Variants in CDH17 observed in about 807,000 individuals in gnomAD.
The protein encoded by CDH17 is cadherin-17.
Under a neutral mutation model 86.3 loss-of-function variants are expected in CDH17, and 67 were observed. That is an observed-to-expected ratio of 0.78 (90% CI 0.64 to 0.95). CDH17 has a LOEUF of 0.95. CDH17 is among the 40% of genes least tolerant of loss of function. The pLI is 0.00. For missense variants in CDH17, 993 were observed against 1,017.6 expected, an observed-to-expected ratio of 0.98 and a Z score of 0.33; for synonymous variants, 367 against 366.4, an observed-to-expected ratio of 1.00 and a Z score of -0.02.
In CDH17 at chr8:94,177,676, T is replaced by C; in HGVS notation, c.196A>G (p.Thr66Ala). 3 of 1,613,766 alleles carry C rather than the reference T, an allele frequency of 1.9e-6. No individual in the cohort carries two copies. Among genetic ancestry groups the C allele is most frequent in the Non-Finnish European group, 2.5e-6 (3 of 1,179,800 alleles). The change falls in exon 4 of 18, where the codon ACA becomes GCA. Residue 66 changes from threonine (T) to alanine (A), a missense_variant. By Grantham distance (58) the Thr-to-Ala change is moderately conservative. Coordinates refer to ENST00000027335, the MANE Select transcript of CDH17 (RefSeq NM_004063.4). ...PAVTFELTGE[T>A]DNIFVIEREG... ...CGTTCTATCACAAATATGTTGTCTG[T>C]CTCCCCAGTTAGTTCAAAAGTCACA...
Position 94,128,187 on chromosome 8 carries a change from G to C in CDH17, c.*53C>G, listed in dbSNP as rs1048517262. On this transcript the variant is annotated 3_prime_UTR_variant, in exon 18 of 18. Coordinates refer to ENST00000027335, the MANE Select transcript of CDH17 (RefSeq NM_004063.4). ...TAGATGAAAAGTAATAGGATGAGAT[G>C]GTTGTTGCTGAAATAGCACTTGCTA... The C allele has an allele frequency of 2.0e-5, 22 of 1,088,356 alleles. No homozygotes were observed. Among genetic ancestry groups the C allele is most frequent in the Non-Finnish European group, 3.0e-5 (21 of 704,978 alleles). 67.4% of individuals were successfully genotyped at this position (1,088,356 alleles called of 1,614,324 possible). A position where few individuals can be genotyped will look rare whatever the true frequency, so the allele number is the denominator to read the frequency against.
chr8:94,176,430 G>T, intron 5 of CDH17, 111 bp downstream of exon 5: 1 of 1,154,892 alleles, frequency 8.7e-7, no homozygotes, highest in Admixed American at 2.0e-5. Context: ...TGAAATGTAG[G>T]TAAGATAGTG....
intron 12 of CDH17, among the ~76,000 whole-genome samples, chr8:94,152,356 C>A (rs181886889): frequency 1.4e-4 from 22 of 152,296 alleles, no homozygotes; most frequent in Admixed American, 1.4e-3. Flanking sequence ...GAAGAAAACT[C>A]TGACATTGGT....
chr8:94,185,359 T>A (rs900714797), intron 3 of CDH17, among the ~76,000 whole-genome samples: 2 of 151,666 alleles, frequency 1.3e-5, no homozygotes, highest in African/African-American at 4.9e-5. Flanking sequence ...AGGCTATCAT[T>A]TCCTGCTAAG....
At chr8:94,182,058 C>T (rs988240416) in intron 3 of CDH17, among the ~76,000 whole-genome samples, 1 of 152,010 alleles carries the variant, frequency 6.6e-6, no homozygotes, top group Non-Finnish European at 1.5e-5. Context: ...TCTAGACAGA[C>T]AAAAACTACT....
chr8:94,175,710 G>T (rs977390788), intron 5 of CDH17, among the ~76,000 whole-genome samples: 10 of 151,990 alleles, frequency 6.6e-5, no homozygotes, highest in Non-Finnish European at 5.9e-5. Context: ...AAGGTAGAAG[G>T]TCAATGCAGC....
intron 3 of CDH17, among the ~76,000 whole-genome samples, chr8:94,181,353 T>G (rs1813481562): frequency 6.6e-6 from 1 of 152,078 alleles, no homozygotes; most frequent in African/African-American, 2.4e-5. Flanking sequence ...CAACACTCCA[T>G]CCAACAAAAG....
At chr8:94,140,102 G>A (rs1812608999) in intron 15 of CDH17, among the ~76,000 whole-genome samples, 1 of 151,916 alleles carries the variant, frequency 6.6e-6, no homozygotes, top group East Asian at 1.9e-4. Context: ...AATCACAAAA[G>A]AAATCTAAAG....
intron 3 of CDH17, among the ~76,000 whole-genome samples, chr8:94,182,075 G>A (rs1369325982): frequency 1.3e-5 from 2 of 152,046 alleles, no homozygotes; most frequent in African/African-American, 2.4e-5. Context: ...TACTAAAACT[G>A]ATTCAAGAAC....
At chr8:94,150,226 A>G (rs1012394632) in intron 13 of CDH17, among the ~76,000 whole-genome samples, 1 of 152,168 alleles carries the variant, frequency 6.6e-6, no homozygotes, top group Admixed American at 6.5e-5. Context: ...GTTTTGAAAG[A>G]GGAGTCAGAT....
chr8:94,155,668 T>C (rs562086900), intron 12 of CDH17, among the ~76,000 whole-genome samples: 1 of 152,304 alleles, frequency 6.6e-6, no homozygotes, highest in East Asian at 1.9e-4. Context: ...AAGACAAGAC[T>C]GTACGGCGAG....
chr8:94,144,948 T>G (rs1812711140), intron 15 of CDH17, among the ~76,000 whole-genome samples: 1 of 152,044 alleles, frequency 6.6e-6, no homozygotes. Flanking sequence ...AATAAAACCA[T>G]TATGAGATAC....
intron 11 of CDH17, among the ~76,000 whole-genome samples, chr8:94,161,698 T>C (rs1411068124): frequency 6.6e-6 from 1 of 152,224 alleles, no homozygotes; most frequent in East Asian, 1.9e-4. Flanking sequence ...ATTCCAAATA[T>C]TAAATTTTTG....
intron 10 of CDH17, among the ~76,000 whole-genome samples, chr8:94,163,181 T>C (rs1276141814): frequency 6.6e-6 from 1 of 152,230 alleles, no homozygotes; most frequent in African/African-American, 2.4e-5. Context: ...GTCATTCCCA[T>C]TTAATTAACA....
intron 17 of CDH17, among the ~76,000 whole-genome samples, 200 bp from the exon 18 acceptor site, chr8:94,128,540 T>C (rs1230069141): frequency 6.6e-6 from 1 of 152,168 alleles, no homozygotes; most frequent in Non-Finnish European, 1.5e-5. Context: ...ATTTATCCTG[T>C]TGTATGTATG....
chr8:94,147,983 T>C (rs1281730371), intron 14 of CDH17, among the ~76,000 whole-genome samples: 3 of 152,190 alleles, frequency 2.0e-5, no homozygotes, highest in Admixed American at 6.5e-5. Context: ...CACATCAAAG[T>C]AGAGAACATT....
At chr8:94,131,746 G>T (rs957319182) in intron 15 of CDH17, among the ~76,000 whole-genome samples, 1 of 151,930 alleles carries the variant, frequency 6.6e-6, no homozygotes, top group Non-Finnish European at 1.5e-5. Flanking sequence ...TGATACGTAG[G>T]TATACATGTG....
At chr8:94,215,862 G>GTT (rs1814186458) in intron 1 of CDH17, among the ~76,000 whole-genome samples, 2 of 125,496 alleles carry the variant, frequency 1.6e-5, no homozygotes, top group Non-Finnish European at 3.6e-5. Context: ...AAGTATACGA[G>GTT]GTTTTTTTTT....
At chr8:94,175,199 C>T (rs1813349140) in intron 5 of CDH17, among the ~76,000 whole-genome samples, 1 of 152,180 alleles carries the variant, frequency 6.6e-6, no homozygotes, top group African/African-American at 2.4e-5. Flanking sequence ...TCTAAAAGTT[C>T]TCTGGAGTCC....
Sources: allele counts gnomAD v4.1 joint callset (sites outside exome capture counted in the v4.1 genomes callset), GRCh38; gene constraint gnomAD v4.1.1; transcripts MANE v1.5; gene names NCBI Gene and HGNC (gene_info 2026-07-23, HGNC 2026-07-21).